The following NEK4 variants were observed in gnomAD, a reference collection of about 807,000 sequenced individuals.
NEK4 encodes serine/threonine-protein kinase Nek4.
NEK4 carries 86 observed loss-of-function variants against 98.4 expected under a neutral mutation model. That is an observed-to-expected ratio of 0.87 (90% CI 0.73 to 1.05). NEK4 has a LOEUF of 1.05. NEK4 is among the 50% of genes least tolerant of loss of function. The pLI is 0.00. For synonymous variants in NEK4, 328 were observed against 342.2 expected (o/e 0.96, Z 0.46); for missense variants, 898 against 950.3 (o/e 0.94, Z 0.72).
At chr3:52,760,995 G>A (rs1698335962) in intron 5 of NEK4, 59 bp from the exon 6 acceptor site, 1 of 1,078,502 alleles carries the variant, frequency 9.3e-7, no homozygotes, top group African/African-American at 1.6e-5. Flanking sequence ...AGGGTTTTTA[G>A]GTATATGTGG....
intron 5 of NEK4, 122 bp from the exon 6 acceptor site, chr3:52,761,058 T>C (rs1457158546): frequency 1.3e-5 from 8 of 627,726 alleles, no homozygotes; most frequent in Non-Finnish European, 2.2e-5. Context: ...TTATAGAGAA[T>C]AGTTTTCTAA....
At chr3:52,746,305 G>A in intron 9 of NEK4, 95 bp from the exon 10 acceptor site, 2 of 1,226,534 alleles carry the variant, frequency 1.6e-6, no homozygotes, top group Non-Finnish European at 2.3e-6. Flanking sequence ...TCCGTGGTTT[G>A]CTCTTAAAAC....
At chr3:52,749,257 T>C (rs537703103) in intron 8 of NEK4, among the ~76,000 whole-genome samples, 2 of 152,002 alleles carry the variant, frequency 1.3e-5, no homozygotes, top group Admixed American at 1.3e-4. Context: ...CTCAGCGTCC[T>C]GAGTAGCTGG....
At chr3:52,766,024 TG>T (rs1321777771) in intron 3 of NEK4, 30 bp from the exon 4 acceptor site, 5 of 1,500,598 alleles carry the variant, frequency 3.3e-6, no homozygotes, top group Non-Finnish European at 4.6e-6. Flanking sequence ...AACGGTTAAA[TG>T]TCAGAATAGC....
intron 6 of NEK4, 88 bp downstream of exon 6, chr3:52,760,707 T>A: frequency 2.3e-6 from 2 of 875,526 alleles, no homozygotes; most frequent in Non-Finnish European, 3.8e-6. Context: ...TAGTAAAGCA[T>A]AATCATTTCA....
intron 4 of NEK4, among the ~76,000 whole-genome samples, chr3:52,764,076 G>C (rs1028267479): frequency 6.6e-6 from 1 of 151,666 alleles, no homozygotes; most frequent in Non-Finnish European, 1.5e-5. Flanking sequence ...CCTGAGGTCA[G>C]GAGTTTGAGA....
intron 10 of NEK4, among the ~76,000 whole-genome samples, chr3:52,745,832 C>T (rs1388916943): frequency 6.6e-6 from 1 of 152,138 alleles, no homozygotes; most frequent in Non-Finnish European, 1.5e-5. Flanking sequence ...AAGCCATCCT[C>T]CCACCTCGGC....
intron 15 of NEK4, chr3:52,733,875 G>C: frequency 3.2e-6 from 1 of 310,720 alleles, no homozygotes; most frequent in South Asian, 3.0e-5. Flanking sequence ...CAAAAATGTG[G>C]CAAAGTCTTC....
At chr3:52,767,961 C>T (rs1307412555) in intron 2 of NEK4, among the ~76,000 whole-genome samples, 2 of 152,178 alleles carry the variant, frequency 1.3e-5, no homozygotes, top group African/African-American at 4.8e-5. Flanking sequence ...CCCCAGCAGA[C>T]TGACAGATGA....
intron 12 of NEK4, among the ~76,000 whole-genome samples, chr3:52,742,346 C>T (rs926119624): frequency 6.6e-6 from 1 of 151,700 alleles, no homozygotes; most frequent in Non-Finnish European, 1.5e-5. Context: ...GCTGAGATAA[C>T]ACCCACAAGC....
At chr3:52,753,674 A>G (rs1559442018) in intron 6 of NEK4, 1 of 583,996 alleles carries the variant, frequency 1.7e-6, no homozygotes, top group South Asian at 1.4e-5. Context: ...GCCCATAACT[A>G]AGCCTACGGA....
At chr3:52,731,666 G>A (rs1317637178) in intron 15 of NEK4, among the ~76,000 whole-genome samples, 2 of 152,218 alleles carry the variant, frequency 1.3e-5, no homozygotes, top group African/African-American at 4.8e-5. Flanking sequence ...AATGAGACCT[G>A]GAAGTGGATC....
At chr3:52,733,619 A>C (rs145067497) in intron 15 of NEK4, 168 of 502,916 alleles carry the variant, frequency 3.3e-4, no homozygotes, top group African/African-American at 2.7e-3. Flanking sequence ...ACAAACGTTG[A>C]AAGCATTTAG....
In NEK4 at chr3:52,715,155, G is replaced by A. The variant is rs1000205673; in HGVS notation, c.2434-3286C>T. On this transcript the variant is annotated intron_variant, in intron 15 of 15. Coordinates refer to ENST00000233027, the MANE Select transcript of NEK4 (RefSeq NM_003157.6). ...GTCCCATAGACCAGAGTGGGAACTT[G>A]TGGTGCCTTTTCTGGGCCTACCCAT... Among the ~76,000 whole-genome samples the A allele has an allele frequency of 2.6e-5, 4 of 152,368 alleles. No homozygotes were observed. In the South Asian group the frequency reaches 8.3e-4, roughly 32 times the overall value.
intron 13 of NEK4, among the ~76,000 whole-genome samples, chr3:52,740,512 A>C (rs545566940): frequency 1.1e-3 from 172 of 152,244 alleles, no homozygotes; most frequent in Non-Finnish European, 1.6e-3. Flanking sequence ...AAAAAGTAAA[A>C]ACAGGCCAGG....
chr3:52,718,396 C>T (rs181216052), intron 15 of NEK4, among the ~76,000 whole-genome samples: 41 of 150,626 alleles, frequency 2.7e-4, no homozygotes, highest in African/African-American at 9.3e-4. Context: ...TCGCTTGAAC[C>T]CGGGAGGTGG....
At chr3:52,727,534 A>G (rs2097365654) in intron 15 of NEK4, among the ~76,000 whole-genome samples, 1 of 152,190 alleles carries the variant, frequency 6.6e-6, no homozygotes. Context: ...GGAGTGTGGT[A>G]GTGTGACCTC....
Position 52,770,678 on chromosome 3 carries a change from C to T in NEK4, c.69G>A (p.Val23=), listed in dbSNP as rs912077877. 12 of 1,569,528 alleles carry T rather than the reference C, an allele frequency of 7.6e-6. No individual in the cohort carries two copies. Among genetic ancestry groups the T allele is most frequent in the Non-Finnish European group, 3.5e-6 (4 of 1,158,380 alleles). The change falls in exon 1 of 16, where the codon GTG becomes GTA. Residue 23 remains valine (V), a synonymous_variant. Coordinates refer to ENST00000233027, the MANE Select transcript of NEK4 (RefSeq NM_003157.6). ...GKGSYGEVTL[V]KHRRDGKQYV... ...CCTGCTTGCCGTCCCGCCGGTGCTT[C>T]ACAAGCGTCACCTCTCCATAGCTCC...
rs544081541 is a variant in NEK4 at position 52,768,728 on chromosome 3, T to C, written c.94-124A>G. The C allele has an allele frequency of 2.6e-4, 208 of 805,932 alleles. 1 individual carries two copies. The highest frequency in any genetic ancestry group is 3.1e-4 in the Non-Finnish European group (158 of 511,582). The allele number at this position is 805,932 out of a possible 1,614,324, so 49.9% of individuals were successfully genotyped here. A position where few individuals can be genotyped will look rare whatever the true frequency, so the allele number is the denominator to read the frequency against. On this transcript the variant is annotated intron_variant, in intron 1 of 15. Transcript: ENST00000233027. ...CTTGTGGAGCCTGTCAGATAACCTA[T>C]TCATTTTGTTTTTCACCAAGCACAA... is the stretch of plus-strand genomic sequence containing the variant.
Sources: gnomAD v4.1 joint callset for allele counts (sites outside exome capture counted in the v4.1 genomes callset) on GRCh38, gnomAD v4.1.1 for gene constraint, MANE v1.5 for transcripts, NCBI Gene and HGNC (gene_info 2026-07-23, HGNC 2026-07-21) for gene names.